DOCK2: variants seen among roughly 807,000 people sequenced by gnomAD.
The protein encoded by DOCK2 is dedicator of cytokinesis 2, also known as dedicator of cytokinesis protein 2.
In DOCK2, 87 loss-of-function variants were observed where a neutral mutation model predicts 248.9. That is an observed-to-expected ratio of 0.35 (90% CI 0.29 to 0.42). The LOEUF (loss-of-function observed/expected upper bound fraction) is 0.42, where lower values mean the gene tolerates loss of function less well. Ranked by LOEUF, DOCK2 falls within the 10% of genes least tolerant of loss-of-function variation. DOCK2 has a pLI of 1.00. For synonymous variants in DOCK2, 805 were observed against 821.6 expected, an observed-to-expected ratio of 0.98 and a Z score of 0.35; for missense variants, 1,747 against 2,300.2, an observed-to-expected ratio of 0.76 and a Z score of 4.92.
At chr5:169,804,499 CGCGT>C (rs60699620) in intron 26 of DOCK2, among the ~76,000 whole-genome samples, 7,201 of 62,000 alleles carry the variant, frequency 0.12, 214 homozygotes, top group Middle Eastern at 0.25. Context: ...CGCGCGCGTG[CGCGT>C]AAGCATTTTT....
intron 29 of DOCK2, among the ~76,000 whole-genome samples, chr5:169,994,750 G>GGAGAGACT (rs1754540916): frequency 3.3e-5 from 5 of 152,158 alleles, no homozygotes; most frequent in Admixed American, 6.5e-5. Flanking sequence ...AGAAGGTTGG[G>GGAGAGACT]GTCCCATCAT....
At chr5:170,061,660 T>C (rs1757331483) in intron 44 of DOCK2, among the ~76,000 whole-genome samples, 1 of 152,268 alleles carries the variant, frequency 6.6e-6, no homozygotes, top group Admixed American at 6.5e-5. Context: ...TTCATTCTCT[T>C]TCTCTGTTCC....
chr5:170,045,462 C>T (rs1756673518), intron 38 of DOCK2, among the ~76,000 whole-genome samples: 1 of 152,142 alleles, frequency 6.6e-6, no homozygotes, highest in African/African-American at 2.4e-5. Context: ...TTTAGTGAGG[C>T]GTTTTGACCC....
In DOCK2 at chr5:169,764,582, A is replaced by T. The variant is rs1414567741; in HGVS notation, c.2554+2957A>T. Among the ~76,000 whole-genome samples the T allele has an allele frequency of 6.6e-6, 1 of 152,212 alleles. No individual in the cohort carries two copies. Among genetic ancestry groups the T allele is most frequent in the African/African-American group, 2.4e-5 (1 of 41,460 alleles). Reference sequence around the variant, plus strand: ...GGCTAATGAGATGGATGATGCATTTAAAGTACTTGACACAGCACTGGGCTC... The same window carrying T: ...GGCTAATGAGATGGATGATGCATTTTAAGTACTTGACACAGCACTGGGCTC... On this transcript the variant is annotated intron_variant, in intron 25 of 51. Coordinates refer to ENST00000520908, the MANE Select transcript of DOCK2 (RefSeq NM_004946.3). The surrounding 1 kb of genome is among the most constrained non-coding windows in gnomAD (Gnocchi z 4.3).
chr5:169,719,738 C>T (rs779147144), intron 22 of DOCK2, among the ~76,000 whole-genome samples: 118 of 152,300 alleles, frequency 7.7e-4, no homozygotes, highest in Middle Eastern at 3.4e-3. Flanking sequence ...ACTCTATGTT[C>T]CTTGTTGTCC....
At chr5:169,725,351 T>C (rs1230586623) in intron 22 of DOCK2, among the ~76,000 whole-genome samples, 1 of 152,210 alleles carries the variant, frequency 6.6e-6, no homozygotes, top group African/African-American at 2.4e-5. Flanking sequence ...ATTTATTTTA[T>C]GAATTGCTGC....
chr5:169,699,210 G>T (rs1422335734), intron 11 of DOCK2, among the ~76,000 whole-genome samples, 172 bp from the exon 12 acceptor site: 3 of 152,158 alleles, frequency 2.0e-5, no homozygotes, highest in Non-Finnish European at 4.4e-5. Flanking sequence ...GAGCCACATT[G>T]CTTTGTGATA....
chr5:170,037,127 A>C (rs1276218820), intron 36 of DOCK2, among the ~76,000 whole-genome samples: 2 of 151,948 alleles, frequency 1.3e-5, no homozygotes, highest in African/African-American at 4.8e-5. Context: ...TATAATAAAA[A>C]ATATATACTT....
chr5:169,856,838 G>A (rs1317261142), intron 27 of DOCK2, among the ~76,000 whole-genome samples: 1 of 152,196 alleles, frequency 6.6e-6, no homozygotes, highest in Non-Finnish European at 1.5e-5. Context: ...ATAGCAGTGT[G>A]TCTGCTACCT....
chr5:169,988,073 C>T (rs1561868870), intron 29 of DOCK2, among the ~76,000 whole-genome samples: 1 of 152,074 alleles, frequency 6.6e-6, no homozygotes, highest in Non-Finnish European at 1.5e-5. Flanking sequence ...GTTGCCATCA[C>T]TAGGTGATGA....
chr5:169,781,481 T>C (rs901116686), intron 25 of DOCK2, among the ~76,000 whole-genome samples: 1 of 152,238 alleles, frequency 6.6e-6, no homozygotes, highest in Non-Finnish European at 1.5e-5. Context: ...TGTTCATCTC[T>C]GACAGTCAGC....
chr5:169,708,124 GA>G (rs764292042), intron 14 of DOCK2, 44 bp from the exon 15 acceptor site: 2 of 1,592,720 alleles, frequency 1.3e-6, no homozygotes, highest in Admixed American at 1.7e-5. Context: ...CACAGAAAAT[GA>G]CAATTCTGTA....
intron 27 of DOCK2, among the ~76,000 whole-genome samples, chr5:169,865,330 C>T (rs548533430): frequency 2.6e-5 from 4 of 152,190 alleles, no homozygotes; most frequent in African/African-American, 4.8e-5. Flanking sequence ...GGGAGGTGGG[C>T]GTTGAACAGA....
chr5:169,792,449 A>ATGTG (rs1026665601), intron 25 of DOCK2, among the ~76,000 whole-genome samples: 2 of 106,638 alleles, frequency 1.9e-5, no homozygotes, highest in South Asian at 3.5e-4. Context: ...TATATTTTAT[A>ATGTG]TATGTGTGTG....
chr5:170,045,322 G>A (rs1756664958), intron 38 of DOCK2, among the ~76,000 whole-genome samples: 2 of 152,092 alleles, frequency 1.3e-5, no homozygotes, highest in African/African-American at 4.8e-5. Flanking sequence ...TTTGGAAAAG[G>A]GGGCCAACAC....
chr5:170,057,021 A>G, intron 43 of DOCK2: 1 of 484,306 alleles, frequency 2.1e-6, no homozygotes, highest in South Asian at 2.6e-5. Flanking sequence ...CAGGGCATTC[A>G]GGCATTGCCA....
At chr5:169,879,734 A>G (rs2113493927) in intron 27 of DOCK2, among the ~76,000 whole-genome samples, 1 of 152,338 alleles carries the variant, frequency 6.6e-6, no homozygotes, top group African/African-American at 2.4e-5. Flanking sequence ...TCAGAATGTC[A>G]GAACTAAAAG....
intron 1 of DOCK2, among the ~76,000 whole-genome samples, chr5:169,649,077 C>T (rs983545230): frequency 3.9e-5 from 6 of 152,210 alleles, no homozygotes; most frequent in African/African-American, 9.7e-5. Context: ...TTTCGATGAG[C>T]GCATTTCACT....
intron 39 of DOCK2, 64 bp from the exon 40 acceptor site, chr5:170,047,446 C>T: frequency 1.4e-6 from 2 of 1,473,448 alleles, no homozygotes; most frequent in Non-Finnish European, 1.9e-6. Flanking sequence ...ACCAAGGCCT[C>T]TTTGAGTTGA....
Sources: gnomAD v4.1 joint callset for allele counts (sites outside exome capture counted in the v4.1 genomes callset) on GRCh38, gnomAD v4.1.1 for gene constraint, Gnocchi (gnomAD v3.1) non-coding constraint, MANE v1.5 for transcripts, NCBI Gene and HGNC (gene_info 2026-07-23, HGNC 2026-07-21) for gene names.